Variants in PLA2G2C observed in about 807,000 individuals in gnomAD.
PLA2G2C encodes the protein putative inactive group IIC secretory phospholipase A2.
Under a neutral mutation model 14.3 loss-of-function variants are expected in PLA2G2C, and 15 were observed. The ratio of observed to expected loss-of-function variants is 1.05; its 90% CI spans 0.70 to 1.62. The LOEUF is 1.62. Ranked by LOEUF, PLA2G2C falls within the 40% of genes most tolerant of loss-of-function variation. PLA2G2C has a pLI of 0.00. For synonymous variants in PLA2G2C, 79 were observed against 67.7 expected, an observed-to-expected ratio of 1.17 and a Z score of -0.82; for missense variants, 162 against 173.2, an observed-to-expected ratio of 0.94 and a Z score of 0.36.
chr1:20,181,759 G>A (rs1243744848), intron 1 of PLA2G2C, among the ~76,000 whole-genome samples: 1 of 152,188 alleles, frequency 6.6e-6, no homozygotes, highest in African/African-American at 2.4e-5. Flanking sequence ...ACGAAGCCTA[G>A]AAGCCTGGGT....
chr1:20,175,141 G>A lies in PLA2G2C; in HGVS notation c.45C>T (p.Pro15=). 6.2e-7 allele frequency: 1 copy of A among 1,613,770 alleles called. No homozygotes were observed. The highest frequency in any genetic ancestry group is 8.5e-7 in the Non-Finnish European group (1 of 1,179,844). ...AILTLLLFCS[P]THSSFWQFQR... is the part of the protein sequence containing the mutation. ...GAAACTGCCAGAAACTGCTGTGGGT[G>A]GGGGCTGCCACCACCGATGAGAAAA... Residue 15 remains proline (P), a synonymous_variant, in exon 3 of 5, where the codon CCC becomes CCT. Coordinates refer to ENST00000679259, the MANE Select transcript of PLA2G2C (RefSeq NM_001367969.2).
intron 3 of PLA2G2C, among the ~76,000 whole-genome samples, chr1:20,173,754 G>A (rs2018131599): frequency 2.0e-5 from 3 of 152,200 alleles, no homozygotes; most frequent in Admixed American, 6.5e-5. Context: ...AGAAACTTAA[G>A]CTTGGATTCT....
chr1:20,166,111 C>T (rs904916675), intron 4 of PLA2G2C, among the ~76,000 whole-genome samples: 7 of 152,314 alleles, frequency 4.6e-5, no homozygotes, highest in South Asian at 2.1e-4. Context: ...GCCCTGTGGG[C>T]GCTTGCTGCT....
At chr1:20,166,910 T>C (rs1007082713) in intron 4 of PLA2G2C, among the ~76,000 whole-genome samples, 81 of 152,186 alleles carry the variant, frequency 5.3e-4, no homozygotes, top group Non-Finnish European at 7.8e-4. Flanking sequence ...ATGACCTGGA[T>C]GATGAGACAG....
At chr1:20,184,688 G>GC (rs2018336243) in intron 1 of PLA2G2C, 1 of 152,500 alleles carries the variant, frequency 6.6e-6, no homozygotes, top group Non-Finnish European at 1.5e-5. Context: ...GTGTAGGCAG[G>GC]CAAGTTTGCA....
chr1:20,167,720 A>T (rs1180601528), intron 4 of PLA2G2C, among the ~76,000 whole-genome samples: 1 of 152,156 alleles, frequency 6.6e-6, no homozygotes, highest in African/African-American at 2.4e-5. Context: ...CCATTGACAT[A>T]GAAGGCACGT....
chr1:20,169,899 C>T (rs1327523294), intron 4 of PLA2G2C, among the ~76,000 whole-genome samples: 3 of 152,224 alleles, frequency 2.0e-5, no homozygotes, highest in Non-Finnish European at 4.4e-5. Flanking sequence ...CTTCCCTGGG[C>T]CAGGGCAGAG....
At position 20,179,293 on chromosome 1, in the gene PLA2G2C, T is replaced by C. The variant is rs554377933; in HGVS notation, c.-76-1854A>G. 4.5e-4 allele frequency among the ~76,000 whole-genome samples: 68 copies of C among 151,586 alleles called. No individual in the cohort carries two copies. In the East Asian group the frequency reaches 7.6e-3, roughly 17 times the overall value. ...CTATGTCAGTTTCTGTGTGTGTGTG[T>C]GCGCGCGCACGTGCGTGCTAGCTTG... is the stretch of plus-strand genomic sequence containing the variant. On this transcript the variant is annotated intron_variant, in intron 1 of 4. Transcript: ENST00000679259.
intron 3 of PLA2G2C, among the ~76,000 whole-genome samples, chr1:20,174,620 C>A (rs886161777): frequency 1.3e-5 from 2 of 152,214 alleles, no homozygotes; most frequent in Admixed American, 6.5e-5. Context: ...GGACCAACGG[C>A]ATAATTGCAG....
chr1:20,173,337 A>T (rs1010153269), intron 3 of PLA2G2C, among the ~76,000 whole-genome samples: 2 of 151,996 alleles, frequency 1.3e-5, no homozygotes, highest in Admixed American at 6.5e-5. Context: ...ATAAAATAAA[A>T]AATAATAATA....
chr1:20,179,336 C>T (rs1347299360), intron 1 of PLA2G2C, among the ~76,000 whole-genome samples: 5 of 150,628 alleles, frequency 3.3e-5, no homozygotes, highest in Admixed American at 2.0e-4. Flanking sequence ...GTATCAGCTT[C>T]TCCCTTTATG....
chr1:20,182,815 A>G (rs1418446681), intron 1 of PLA2G2C, among the ~76,000 whole-genome samples: 2 of 152,220 alleles, frequency 1.3e-5, no homozygotes, highest in Non-Finnish European at 2.9e-5. Context: ...AGAAATCACT[A>G]ATTCAAAATG....
At chr1:20,170,666 T>C (rs550687877) in intron 4 of PLA2G2C, among the ~76,000 whole-genome samples, 1 of 152,106 alleles carries the variant, frequency 6.6e-6, no homozygotes, top group Non-Finnish European at 1.5e-5. Flanking sequence ...TGACAGGGGC[T>C]GGCCTGGTCC....
Position 20,163,582 on chromosome 1 carries a change from G to A in PLA2G2C, c.*409C>T, listed in dbSNP as rs2017907313. On this transcript the variant is annotated 3_prime_UTR_variant, in exon 5 of 5. Coordinates refer to ENST00000679259, the MANE Select transcript of PLA2G2C (RefSeq NM_001367969.2). ...TCCCGGTTTGCAGTGGGGGTGAAGA[G>A]AGAGTTTGGGGTAGATCCTGGGGCT... 6.4e-6 allele frequency: 1 copy of A among 157,330 alleles called. No individual in the cohort carries two copies. The highest frequency in any genetic ancestry group is 2.0e-4 in the South Asian group (1 of 5,038). 9.7% of individuals were successfully genotyped at this position (157,330 alleles called of 1,614,324 possible).
intron 1 of PLA2G2C, among the ~76,000 whole-genome samples, chr1:20,179,506 C>T (rs2018243104): frequency 7.1e-6 from 1 of 141,816 alleles, no homozygotes; most frequent in African/African-American, 2.7e-5. Context: ...TCAGCTTCTC[C>T]CTCTATGTCA....
chr1:20,182,226 C>G (rs1489915910), intron 1 of PLA2G2C, among the ~76,000 whole-genome samples: 1 of 152,204 alleles, frequency 6.6e-6, no homozygotes, highest in Non-Finnish European at 1.5e-5. Flanking sequence ...CAATGACAGA[C>G]CACACATACG....
intron 1 of PLA2G2C, among the ~76,000 whole-genome samples, chr1:20,185,730 C>A (rs1169487158): frequency 6.6e-6 from 1 of 152,170 alleles, no homozygotes; most frequent in Non-Finnish European, 1.5e-5. Flanking sequence ...CATTTTAAAA[C>A]CAGGGACACT....
In PLA2G2C at chr1:20,172,627, A is replaced by G. The variant is rs140711268; in HGVS notation, c.283+167T>C. Among the ~76,000 whole-genome samples, 173 of 152,246 alleles carry G rather than the reference A, an allele frequency of 1.1e-3. 1 individual carries two copies. The highest frequency in any genetic ancestry group is 3.4e-3 in the Middle Eastern group (1 of 294). ...TGGGAGAGACCAGGGCAGGATGAGCACGGACACTCTGAGAAGCTCTGGAGC... is the reference window on the plus strand; with the variant it reads ...TGGGAGAGACCAGGGCAGGATGAGCGCGGACACTCTGAGAAGCTCTGGAGC... On this transcript the variant is annotated intron_variant, in intron 4 of 4. Coordinates refer to ENST00000679259, the MANE Select transcript of PLA2G2C (RefSeq NM_001367969.2).
intron 1 of PLA2G2C, among the ~76,000 whole-genome samples, chr1:20,180,332 C>T (rs2018262200): frequency 6.6e-6 from 1 of 152,208 alleles, no homozygotes; most frequent in African/African-American, 2.4e-5. Flanking sequence ...AGTGAACTCT[C>T]TTGGGAAGGT....
Sources: allele counts gnomAD v4.1 joint callset (sites outside exome capture counted in the v4.1 genomes callset), GRCh38; gene constraint gnomAD v4.1.1; transcripts MANE v1.5; gene names NCBI Gene and HGNC (gene_info 2026-07-23, HGNC 2026-07-21).